Variants in FER1L6 observed in about 807,000 individuals in gnomAD.
FER1L6 encodes fer-1-like protein 6.
Under a neutral mutation model 219.2 loss-of-function variants are expected in FER1L6, and 177 were observed. The ratio of observed to expected loss-of-function variants is 0.81; its 90% CI spans 0.71 to 0.91. The LOEUF is 0.91. FER1L6 is among the 40% of genes least tolerant of loss of function. The pLI, the probability that FER1L6 is intolerant of heterozygous loss-of-function variation, is 0.00. For missense variants in FER1L6, 2,153 were observed against 2,259.9 expected (o/e 0.95, Z 0.96); for synonymous variants, 768 against 824.3 (o/e 0.93, Z 1.17).
rs570169486 is a variant in FER1L6 at position 123,948,372 on chromosome 8, C to T, written c.-7-7620C>T. The stretch of plus-strand genomic sequence containing the variant: ...AACATAAAAAGCCATACCCACAAAT[C>T]TTAAGTGTATGAATTGAAAATTTTT... On this transcript the variant is annotated intron_variant, in intron 1 of 40. Coordinates refer to ENST00000522917, the MANE Select transcript of FER1L6 (RefSeq NM_001039112.2). Among the ~76,000 whole-genome samples, 3 of 152,282 alleles carry T rather than the reference C, an allele frequency of 2.0e-5. No individual in the cohort carries two copies. The East Asian group carries it at 5.8e-4, about 29-fold the overall frequency.
chr8:123,910,110 G>A (rs901205444), intron 1 of FER1L6, among the ~76,000 whole-genome samples: 1 of 152,176 alleles, frequency 6.6e-6, no homozygotes, highest in African/African-American at 2.4e-5. Context: ...CACTGTCCTA[G>A]CTGAGATTTC....
In FER1L6 at chr8:123,956,120, G is replaced by A. The variant is rs377723942; in HGVS notation, c.76+46G>A. 363 of 1,524,930 alleles carry A rather than the reference G, an allele frequency of 2.4e-4. 1 individual carries two copies. In the African/African-American group the frequency reaches 4.2e-3, roughly 18 times the overall value. 94.5% of individuals were successfully genotyped at this position (1,524,930 alleles called of 1,614,324 possible). ...CTGACCATTGGGGCCTGAGAGTCTC[G>A]CAGAGTGACCCCTCCGTGGCTGAAA... On this transcript the variant is annotated intron_variant, in intron 2 of 40. Transcript: ENST00000522917.
chr8:124,064,990 C>G (rs1363969620), intron 26 of FER1L6, among the ~76,000 whole-genome samples: 2 of 152,124 alleles, frequency 1.3e-5, no homozygotes, highest in Non-Finnish European at 2.9e-5. Flanking sequence ...GAGAGATTGA[C>G]AAGTACACAA....
chr8:123,920,196 C>T (rs1359296512), intron 1 of FER1L6, among the ~76,000 whole-genome samples: 5 of 152,170 alleles, frequency 3.3e-5, no homozygotes, highest in Non-Finnish European at 5.9e-5. Context: ...TGAGGCTCAC[C>T]CTAACTCCAC....
Position 124,070,539 on chromosome 8 carries a change from G to A in FER1L6, c.3907G>A (p.Gly1303Ser). Residue 1303 changes from glycine to serine, a missense_variant, in exon 30 of 41, where the codon GGC becomes AGC. Transcript: ENST00000522917. ...DWVKTFELFR[G>S]KSTEDDHGLD... is the part of the protein sequence containing the mutation. ...GGTGAAAACTTTTGAGCTCTTCAGA[G>A]GCAAGTCTACGGAAGATGACCATGG... is the stretch of plus-strand genomic sequence containing the variant. The A allele has an allele frequency of 6.2e-7, 1 of 1,613,054 alleles. No homozygotes were observed. Among genetic ancestry groups the A allele is most frequent in the East Asian group, 2.2e-5 (1 of 44,806 alleles).
chr8:123,941,772 C>T (rs1488718253), intron 1 of FER1L6, among the ~76,000 whole-genome samples: 2 of 152,084 alleles, frequency 1.3e-5, no homozygotes, highest in South Asian at 2.1e-4. Context: ...TAAGAGTTGC[C>T]ATGAGATCTT....
At chr8:123,885,462 A>T (rs901881607) in intron 1 of FER1L6, among the ~76,000 whole-genome samples, 22 of 152,206 alleles carry the variant, frequency 1.4e-4, no homozygotes, top group Non-Finnish European at 7.3e-5. Context: ...GATAGGTAAT[A>T]CTGCATCTGT....
rs1200052701 is a variant in FER1L6 at position 124,070,540 on chromosome 8, G to A, written c.3908G>A (p.Gly1303Asp). The A allele has an allele frequency of 6.2e-7, 1 of 1,613,028 alleles. No homozygotes were observed. The highest frequency in any genetic ancestry group is 8.5e-7 in the Non-Finnish European group (1 of 1,179,546). ...DWVKTFELFR[G>D]KSTEDDHGLD... ...GTGAAAACTTTTGAGCTCTTCAGAG[G>A]CAAGTCTACGGAAGATGACCATGGT... Residue 1303 changes from glycine (G) to aspartate (D), a missense_variant, in exon 30 of 41, where the codon GGC becomes GAC. Transcript: ENST00000522917.
chr8:123,853,979 G>C lies in FER1L6; in HGVS notation c.-8+1794G>C, dbSNP rs1486245059. On this transcript the variant is annotated intron_variant, in intron 1 of 40. Transcript: ENST00000522917. This position sits in a 1 kb window ranked among gnomAD's most constrained non-coding sequence, Gnocchi z 6.6. ...GGCCTGGCTCTCAGGGAAGCATCAG[G>C]GACCGTGATTAGAAAGTTTACGTCT... Among the ~76,000 whole-genome samples the C allele has an allele frequency of 6.6e-6, 1 of 152,154 alleles. No individual in the cohort carries two copies. Among genetic ancestry groups the C allele is most frequent in the Non-Finnish European group, 1.5e-5 (1 of 68,024 alleles).
intron 1 of FER1L6, among the ~76,000 whole-genome samples, chr8:123,897,913 C>G (rs1326667118): frequency 1.3e-5 from 2 of 152,160 alleles, no homozygotes; most frequent in Non-Finnish European, 2.9e-5. Context: ...CTCAACTCAG[C>G]TGTTGAGGCA....
At chr8:123,954,511 T>A (rs1408696299) in intron 1 of FER1L6, among the ~76,000 whole-genome samples, 1 of 152,210 alleles carries the variant, frequency 6.6e-6, no homozygotes, top group Non-Finnish European at 1.5e-5. Context: ...AGTGAACATC[T>A]ATCTCCTAGA....
At chr8:124,000,168 G>A (rs565933407) in intron 12 of FER1L6, among the ~76,000 whole-genome samples, 2 of 152,286 alleles carry the variant, frequency 1.3e-5, no homozygotes, top group South Asian at 4.1e-4. Context: ...GAATTCCAAT[G>A]CAAAATCCCA....
chr8:124,011,592 A>C (rs1446076600), intron 14 of FER1L6, among the ~76,000 whole-genome samples: 1 of 146,062 alleles, frequency 6.8e-6, no homozygotes, highest in African/African-American at 2.6e-5. Context: ...CAACCCTCCC[A>C]CCTCAGCATC....
chr8:123,956,769 C>T (rs775843546), intron 2 of FER1L6, among the ~76,000 whole-genome samples: 5 of 152,164 alleles, frequency 3.3e-5, no homozygotes, highest in South Asian at 2.1e-4. Flanking sequence ...TCCATGAAGC[C>T]GGCTGGCCCC....
At chr8:123,926,961 A>G (rs1158472744) in intron 1 of FER1L6, among the ~76,000 whole-genome samples, 1 of 152,200 alleles carries the variant, frequency 6.6e-6, no homozygotes. Context: ...TTGGGGTAAA[A>G]GAGGTGGGCT....
chr8:124,086,975 G>T (rs1440574920), intron 33 of FER1L6, among the ~76,000 whole-genome samples: 1 of 151,954 alleles, frequency 6.6e-6, no homozygotes, highest in Non-Finnish European at 1.5e-5. Context: ...GAACTCCTTT[G>T]TATGTTATTT....
chr8:123,998,422 C>CTCTG (rs1186280546), intron 12 of FER1L6, among the ~76,000 whole-genome samples: 1 of 145,704 alleles, frequency 6.9e-6, no homozygotes. Flanking sequence ...CTCTCTCTCT[C>CTCTG]TCTGTACTGA....
chr8:124,042,343 G>T (rs1332471335), intron 20 of FER1L6, among the ~76,000 whole-genome samples: 1 of 152,192 alleles, frequency 6.6e-6, no homozygotes, highest in Non-Finnish European at 1.5e-5. Flanking sequence ...AATAATAATA[G>T]CTGCTATTTA....
In FER1L6 at chr8:124,091,468, CCTCA is replaced by C; in HGVS notation, c.4440_4443del (p.Thr1481SerfsTer20). ...GAGACACGTCCAAACCCACCGAAATCCTCACTAAGCTCTGCAAAGACAACAAGCT... is the reference window on the plus strand; with the variant it reads ...GAGACACGTCCAAACCCACCGAAATCCTAAGCTCTGCAAAGACAACAAGCT... On this transcript the variant is annotated frameshift_variant, in exon 34 of 41. Coordinates refer to ENST00000522917, the MANE Select transcript of FER1L6 (RefSeq NM_001039112.2). LOFTEE classifies it high-confidence loss of function. 1 of 1,613,962 alleles carries C rather than the reference CCTCA, an allele frequency of 6.2e-7. No individual in the cohort carries two copies. The highest frequency in any genetic ancestry group is 8.5e-7 in the Non-Finnish European group (1 of 1,179,828).
Sources: gnomAD v4.1 joint callset for allele counts (sites outside exome capture counted in the v4.1 genomes callset) on GRCh38, gnomAD v4.1.1 for gene constraint, Gnocchi (gnomAD v3.1) non-coding constraint, MANE v1.5 for transcripts, NCBI Gene and HGNC (gene_info 2026-07-23, HGNC 2026-07-21) for gene names.